The following CTNND2 variants were observed in gnomAD, a reference collection of about 807,000 sequenced individuals.
CTNND2 encodes the protein catenin delta-2.
A neutral mutation model predicts 144.4 loss-of-function variants in CTNND2; 22 were observed. The observed-to-expected ratio is 0.15, with a 90% CI of 0.11 to 0.22. The LOEUF is 0.22. Ranked by LOEUF, CTNND2 falls within the 10% of genes least tolerant of loss-of-function variation. CTNND2 has a pLI of 1.00. For synonymous variants in CTNND2, 751 were observed against 695.6 expected (o/e 1.08, Z -1.25); for missense variants, 1,353 against 1,618.8 (o/e 0.84, Z 2.82).
At chr5:11,486,290 A>G (rs1177217729) in intron 3 of CTNND2, among the ~76,000 whole-genome samples, 1 of 152,226 alleles carries the variant, frequency 6.6e-6, no homozygotes, top group East Asian at 1.9e-4. Context: ...CTGGGTGATA[A>G]TATCCAGTAG....
intron 8 of CTNND2, among the ~76,000 whole-genome samples, chr5:11,348,011 G>C (rs1200061010): frequency 5.3e-5 from 8 of 152,084 alleles, no homozygotes; most frequent in Non-Finnish European, 1.2e-4. Flanking sequence ...CTTCATCTTA[G>C]AATTACAAAA....
intron 1 of CTNND2, among the ~76,000 whole-genome samples, chr5:11,786,616 C>T (rs1456251097): frequency 1.3e-5 from 2 of 152,320 alleles, no homozygotes; most frequent in Non-Finnish European, 2.9e-5. Context: ...CAATGTAAAC[C>T]TATGCTAGGA....
At chr5:11,628,141 T>C (rs13358353) in intron 2 of CTNND2, among the ~76,000 whole-genome samples, 2,575 of 152,136 alleles carry the variant, frequency 0.017, 87 homozygotes, top group African/African-American at 0.059. Context: ...GGGATAGCTA[T>C]TATACAGATT....
chr5:11,400,240 G>T lies in CTNND2; in HGVS notation c.440-3037C>A, dbSNP rs561940613. 2.8e-4 allele frequency among the ~76,000 whole-genome samples: 43 copies of T among 152,274 alleles called. 1 individual carries two copies. Among genetic ancestry groups the T allele is most frequent in the African/African-American group, 9.9e-4 (41 of 41,556 alleles). On this transcript the variant is annotated intron_variant, in intron 5 of 21. Coordinates refer to ENST00000304623, the MANE Select transcript of CTNND2 (RefSeq NM_001332.4). ...CTGAAGGATGTGGGTGATATGGAAA[G>T]AAATGGTAGACGAAGAGAAAGAAGC...
At chr5:11,436,365 T>C (rs149442990) in intron 3 of CTNND2, among the ~76,000 whole-genome samples, 518 of 152,256 alleles carry the variant, frequency 3.4e-3, no homozygotes, top group African/African-American at 0.012. Flanking sequence ...AATTTCTCAA[T>C]GAGGAAGAAC....
intron 1 of CTNND2, among the ~76,000 whole-genome samples, chr5:11,884,542 GT>G (rs1416557806): frequency 1.3e-5 from 2 of 152,068 alleles, no homozygotes; most frequent in African/African-American, 4.8e-5. Flanking sequence ...CTATATATCT[GT>G]TTTGGTACCT....
Position 11,610,664 on chromosome 5 carries a change from G to A in CTNND2, c.175-45608C>T, listed in dbSNP as rs115386814. Among the ~76,000 whole-genome samples, 615 of 152,236 alleles carry A rather than the reference G, an allele frequency of 4.0e-3. 1 individual carries two copies. Among genetic ancestry groups the A allele is most frequent in the Non-Finnish European group, 7.3e-3 (494 of 68,024 alleles). On this transcript the variant is annotated intron_variant, in intron 2 of 21. Coordinates refer to ENST00000304623, the MANE Select transcript of CTNND2 (RefSeq NM_001332.4). ...TATTTCAATGAATGTTGCCTGAACG[G>A]ATCATAGCAAAAATATAATGACCCC...
At chr5:11,081,088 A>ACACACACACACACT (rs1554039128) in intron 16 of CTNND2, among the ~76,000 whole-genome samples, 20 of 151,092 alleles carry the variant, frequency 1.3e-4, no homozygotes, top group South Asian at 2.1e-4. Context: ...ACACACACAC[A>ACACACACACACACT]CACACACACA....
rs544830677 is a variant in CTNND2 at position 11,820,560 on chromosome 5, T to C, written c.37+83257A>G. On this transcript the variant is annotated intron_variant, in intron 1 of 21. Transcript: ENST00000304623. ...TCCCAGCTCACAAACTAAGACGTGC[T>C]CATGAAGAGTTTTACATATTAAAAT... is the stretch of plus-strand genomic sequence containing the variant. 2.0e-5 allele frequency among the ~76,000 whole-genome samples: 3 copies of C among 152,336 alleles called. No individual in the cohort carries two copies. The South Asian group carries it at 6.2e-4, about 32-fold the overall frequency.
rs115096634 is a variant in CTNND2 at position 11,504,764 on chromosome 5, G to A, written c.287+60180C>T. On this transcript the variant is annotated intron_variant, in intron 3 of 21. Coordinates refer to ENST00000304623, the MANE Select transcript of CTNND2 (RefSeq NM_001332.4). ...CCACAGGGACCATCTGACAGCCACT[G>A]CCTGAGCCTGGGACTAGGGCAACAC... Among the ~76,000 whole-genome samples the A allele has an allele frequency of 7.3e-3, 1,117 of 152,302 alleles. 9 individuals carry two copies. Among genetic ancestry groups the A allele is most frequent in the Admixed American group, 0.013 (203 of 15,308 alleles).
intron 1 of CTNND2, among the ~76,000 whole-genome samples, chr5:11,892,191 C>T (rs967247581): frequency 1.3e-5 from 2 of 152,096 alleles, no homozygotes; most frequent in African/African-American, 2.4e-5. Flanking sequence ...AACTTTTCCA[C>T]ATGCAGCTTA....
chr5:11,135,265 T>G (rs13165911), intron 12 of CTNND2, among the ~76,000 whole-genome samples: 7,249 of 152,228 alleles, frequency 0.048, 274 homozygotes, highest in East Asian at 0.089. Flanking sequence ...AATGACTTCA[T>G]GGGGGAAAAT....
In CTNND2 at chr5:11,426,471, T is replaced by G. The variant is rs569722100; in HGVS notation, c.288-14402A>C. Among the ~76,000 whole-genome samples the G allele has an allele frequency of 1.4e-4, 22 of 152,346 alleles. No homozygotes were observed. In the South Asian group the frequency reaches 4.3e-3, roughly 30 times the overall value. On this transcript the variant is annotated intron_variant, in intron 3 of 21. Coordinates refer to ENST00000304623, the MANE Select transcript of CTNND2 (RefSeq NM_001332.4). ...CAACTCTATCTTTGAGCTTATGTTT[T>G]GCGAGTGAAATCTGACAGGTCAATG...
At chr5:11,461,544 G>A (rs147150258) in intron 3 of CTNND2, among the ~76,000 whole-genome samples, 222 of 152,192 alleles carry the variant, frequency 1.5e-3, no homozygotes, top group Non-Finnish European at 2.6e-3. Context: ...GTGGTCTAAC[G>A]CCAGAGACCC....
intron 10 of CTNND2, among the ~76,000 whole-genome samples, chr5:11,223,803 T>A (rs1474237275): frequency 6.6e-6 from 1 of 152,120 alleles, no homozygotes; most frequent in African/African-American, 2.4e-5. Context: ...AAGACAAGCC[T>A]CTTGATGGCT....
chr5:11,287,116 T>G (rs1405780535), intron 9 of CTNND2, among the ~76,000 whole-genome samples: 1 of 152,206 alleles, frequency 6.6e-6, no homozygotes, highest in African/African-American at 2.4e-5. Flanking sequence ...CTGTGACAAA[T>G]AATTTTATGT....
intron 8 of CTNND2, 74 bp downstream of exon 8, chr5:11,364,622 G>T (rs1028137689): frequency 2.5e-6 from 3 of 1,213,894 alleles, no homozygotes; most frequent in Admixed American, 6.3e-5. Flanking sequence ...CTTTCATTTG[G>T]GAGTGTTATT....
At chr5:11,331,131 C>T (rs1753104515) in intron 9 of CTNND2, among the ~76,000 whole-genome samples, 1 of 152,148 alleles carries the variant, frequency 6.6e-6, no homozygotes, top group Non-Finnish European at 1.5e-5. Flanking sequence ...ATGTTAATTG[C>T]CACTTATCTT....
At chr5:11,859,532 G>A (rs1048904849) in intron 1 of CTNND2, among the ~76,000 whole-genome samples, 1 of 152,034 alleles carries the variant, frequency 6.6e-6, no homozygotes, top group African/African-American at 2.4e-5. Flanking sequence ...ACGGCTCTGG[G>A]GGACCTCTTA....
Sources: allele counts gnomAD v4.1 joint callset (sites outside exome capture counted in the v4.1 genomes callset), GRCh38; gene constraint gnomAD v4.1.1; transcripts MANE v1.5; gene names NCBI Gene and HGNC (gene_info 2026-07-23, HGNC 2026-07-21).